The following DDX52 variants were observed in gnomAD, a reference collection of about 807,000 sequenced individuals.
DDX52 encodes the protein probable ATP-dependent RNA helicase DDX52.
Under a neutral mutation model 76.1 loss-of-function variants are expected in DDX52, and 59 were observed. That is an observed-to-expected ratio of 0.78 (90% confidence interval 0.63 to 0.96). The LOEUF is 0.96. DDX52 is among the 40% of genes least tolerant of loss of function. DDX52 has a pLI of 0.00. For synonymous variants in DDX52, 231 were observed against 244.1 expected (o/e 0.95, Z 0.50); for missense variants, 707 against 703.9 (o/e 1.00, Z -0.05).
intron 3 of DDX52, 93 bp downstream of exon 3, chr17:37,633,195 T>C (rs2147360448): frequency 1.5e-6 from 2 of 1,317,388 alleles, no homozygotes; most frequent in Non-Finnish European, 1.0e-6. Flanking sequence ...AACAAAACTA[T>C]ATTCACATTA....
chr17:37,635,513 G>T lies in DDX52; in HGVS notation c.287-2095C>A. The T allele has an allele frequency of 2.2e-5, 9 of 417,016 alleles. No homozygotes were observed. In the East Asian group the frequency reaches 2.4e-4, roughly 11 times the overall value. The allele number at this position is 417,016 out of a possible 1,614,324, so 25.8% of individuals were successfully genotyped here. ...TTCTTTCACTCAAGATAGTTGTTTT[G>T]AAATTCACCTATGTTGCACCATGTA... is the stretch of plus-strand genomic sequence containing the variant. On this transcript the variant is annotated intron_variant, in intron 2 of 14. Transcript: ENST00000617633.
At chr17:37,643,202 GC>G in intron 1 of DDX52, 131 bp downstream of exon 1, 1 of 891,780 alleles carries the variant, frequency 1.1e-6, no homozygotes, top group Non-Finnish European at 1.7e-6. Flanking sequence ...ACAAAAGGAA[GC>G]AAAATACCCC....
chr17:37,632,027 A>C, intron 4 of DDX52, 86 bp downstream of exon 4: 1 of 1,576,358 alleles, frequency 6.3e-7, no homozygotes, highest in Non-Finnish European at 8.7e-7. Flanking sequence ...ATAAGGTGGA[A>C]AGAAAGAGTT....
chr17:37,634,042 T>C (rs2030814217), intron 2 of DDX52, among the ~76,000 whole-genome samples: 1 of 150,770 alleles, frequency 6.6e-6, no homozygotes, highest in Non-Finnish European at 1.5e-5. Context: ...GCCTCCCTGG[T>C]TCAAGAAATT....
At chr17:37,632,525 T>C (rs973901211) in intron 3 of DDX52, among the ~76,000 whole-genome samples, 2 of 152,240 alleles carry the variant, frequency 1.3e-5, no homozygotes, top group South Asian at 2.1e-4. Context: ...GTTATTGTCA[T>C]AGTCATAACT....
At chr17:37,641,890 C>T (rs2031218290) in intron 2 of DDX52, among the ~76,000 whole-genome samples, 1 of 152,092 alleles carries the variant, frequency 6.6e-6, no homozygotes, top group African/African-American at 2.4e-5. Context: ...TGGTATTCTG[C>T]AGAAATAACA....
At chr17:37,641,445 A>C (rs1346475967) in intron 2 of DDX52, among the ~76,000 whole-genome samples, 1 of 152,044 alleles carries the variant, frequency 6.6e-6, no homozygotes, top group African/African-American at 2.4e-5. Flanking sequence ...AGTAAAATAT[A>C]AAATTGTTTC....
chr17:37,634,457 C>T (rs992449814), intron 2 of DDX52, among the ~76,000 whole-genome samples: 6 of 151,566 alleles, frequency 4.0e-5, no homozygotes, highest in Non-Finnish European at 8.8e-5. Context: ...CATGATGAAA[C>T]CCTGTCCCTA....
In DDX52 at chr17:37,621,265, C is replaced by T; in HGVS notation, c.1363G>A (p.Val455Ile). 1 of 1,611,002 alleles carries T rather than the reference C, an allele frequency of 6.2e-7. No individual in the cohort carries two copies. The highest frequency in any genetic ancestry group is 8.5e-7 in the Non-Finnish European group (1 of 1,179,048). The change falls in exon 11 of 15, where the codon GTC becomes ATC. Residue 455 changes from valine (V) to isoleucine (I), a missense_variant. Physicochemically the swap from Val to Ile is conservative, Grantham distance 29 (BLOSUM62 3). Coordinates refer to ENST00000617633, the MANE Select transcript of DDX52 (RefSeq NM_007010.5). ...ERTQQQRDNTVHSFRAGKIWV... is the reference protein window; with the variant it reads ...ERTQQQRDNTIHSFRAGKIWV... ...ATTTTTCCTGCTCTGAAACTGTGGA[C>T]TGTGTTATCTCTCTGGTTAACAGAA...
chr17:37,642,064 T>C, intron 2 of DDX52, 46 bp downstream of exon 2: 2 of 1,604,814 alleles, frequency 1.2e-6, no homozygotes, highest in Non-Finnish European at 1.7e-6. Context: ...TTTTTATAAC[T>C]GAAAAAAATT....
chr17:37,622,996 G>T (rs374926474), intron 9 of DDX52, among the ~76,000 whole-genome samples: 29 of 152,292 alleles, frequency 1.9e-4, no homozygotes, highest in African/African-American at 6.7e-4. Flanking sequence ...AGCTATAGTG[G>T]TGGAGCTAGA....
At chr17:37,616,295 G>A (rs2064424375) in intron 14 of DDX52, among the ~76,000 whole-genome samples, 3 of 152,118 alleles carry the variant, frequency 2.0e-5, no homozygotes, top group Non-Finnish European at 4.4e-5. Context: ...AACAAGGTTC[G>A]CTACCAATCC....
At chr17:37,618,687 A>T (rs1251525538) in intron 13 of DDX52, among the ~76,000 whole-genome samples, 1 of 152,006 alleles carries the variant, frequency 6.6e-6, no homozygotes, top group Non-Finnish European at 1.5e-5. Flanking sequence ...GGGTTTCTCC[A>T]TGTTGGTCAG....
intron 4 of DDX52, chr17:37,630,834 G>A (rs569155053): frequency 3.3e-5 from 5 of 152,292 alleles, no homozygotes; most frequent in African/African-American, 1.2e-4. Context: ...TAGAGACAGG[G>A]TTTCACCATA....
At chr17:37,628,724 G>A (rs1437648505) in intron 5 of DDX52, 52 bp from the exon 6 acceptor site, 10 of 1,292,928 alleles carry the variant, frequency 7.7e-6, no homozygotes, top group African/African-American at 2.9e-5. Flanking sequence ...TGGACAAGAT[G>A]TATACTCTTT....
Position 37,642,127 on chromosome 17 carries a change from C to CT in DDX52, c.268dup (p.Arg90LysfsTer28). The CT allele has an allele frequency of 6.2e-7, 1 of 1,613,202 alleles. No individual in the cohort carries two copies. The highest frequency in any genetic ancestry group is 1.1e-5 in the South Asian group (1 of 90,888). On this transcript the variant is annotated frameshift_variant, in exon 2 of 15. Transcript: ENST00000617633. LOFTEE classifies it high-confidence loss of function. ...ACACTAACCTGAAGTCATCGTCTTC[C>CT]TTTTTTTCTTGCTCTGCTCCCTCTT...
chr17:37,624,128 G>C, intron 9 of DDX52: 1 of 338,786 alleles, frequency 3.0e-6, no homozygotes. Flanking sequence ...TAAGAGCTGG[G>C]ACAACACGCT....
chr17:37,618,468 G>T, intron 13 of DDX52, 84 bp from the exon 14 acceptor site: 1 of 1,175,482 alleles, frequency 8.5e-7, no homozygotes, highest in Admixed American at 3.1e-5. Context: ...TTTGATCCTT[G>T]ATCACAAAAT....
Position 37,643,362 on chromosome 17 carries a change from C to T in DDX52, c.59G>A (p.Arg20His). 1.2e-6 allele frequency: 2 copies of T among 1,613,998 alleles called. No homozygotes were observed. The highest frequency in any genetic ancestry group is 1.7e-6 in the Non-Finnish European group (2 of 1,179,924). The change falls in exon 1 of 15, where the codon CGC becomes CAC. Residue 20 changes from arginine to histidine, a missense_variant. Arg to His is a conservative substitution (Grantham distance 29). Coordinates refer to ENST00000617633, the MANE Select transcript of DDX52 (RefSeq NM_007010.5). ...LGAGAKFDTR[R>H]FSADAARFQI... ...GAATCGAGCTGCGTCTGCCGAGAAG[C>T]GTCTCGTGTCGAATTTGGCCCCCGC...
Sources: allele counts gnomAD v4.1 joint callset (sites outside exome capture counted in the v4.1 genomes callset), GRCh38; gene constraint gnomAD v4.1.1; transcripts MANE v1.5; gene names NCBI Gene and HGNC (gene_info 2026-07-23, HGNC 2026-07-21).